The following ERC1 variants were observed in gnomAD, a reference collection of about 807,000 sequenced individuals.
The protein encoded by ERC1 is RAB6 interacting protein 2.
In ERC1, 56 loss-of-function variants were observed where a neutral mutation model predicts 132.0. The observed-to-expected ratio is 0.42, with a 90% CI of 0.34 to 0.53. The LOEUF is 0.53. ERC1 is among the 20% of genes least tolerant of loss of function. The pLI, the probability that ERC1 is intolerant of heterozygous loss-of-function variation, is 0.03. For missense variants in ERC1, 1,202 were observed against 1,349.9 expected (o/e 0.89, Z 1.72); for synonymous variants, 478 against 476.1 (o/e 1.00, Z -0.05).
chr12:1,255,833 G>T (rs1166645090), intron 13 of ERC1, among the ~76,000 whole-genome samples: 1 of 151,170 alleles, frequency 6.6e-6, no homozygotes, highest in Non-Finnish European at 1.5e-5. Flanking sequence ...TAGAGACGGG[G>T]TTTCACCATG....
intron 17 of ERC1, among the ~76,000 whole-genome samples, chr12:1,412,060 G>T (rs747111895): frequency 4.6e-5 from 7 of 152,190 alleles, no homozygotes; most frequent in Non-Finnish European, 1.0e-4. Context: ...CAATTAGCCA[G>T]CCATAACTGG....
At chr12:1,361,264 G>C (rs545243863) in intron 15 of ERC1, among the ~76,000 whole-genome samples, 69 of 129,862 alleles carry the variant, frequency 5.3e-4, no homozygotes, top group Middle Eastern at 8.0e-3. Flanking sequence ...GTTGTGGGGT[G>C]GGGGGAGGGA....
chr12:1,075,784 A>G (rs1941248963), intron 2 of ERC1, among the ~76,000 whole-genome samples: 1 of 152,226 alleles, frequency 6.6e-6, no homozygotes, highest in Non-Finnish European at 1.5e-5. Flanking sequence ...CTATTCATTA[A>G]GTAGAAGTGG....
Position 992,162 on chromosome 12 carries a change from GT to G in ERC1, c.-157+848del, listed in dbSNP as rs200781470. ...AGCTCCTTCAAGGTGGTGTCTTCCA[GT>G]TTTTTTTCCCCCCAATGCCTAAAAG... On this transcript the variant is annotated intron_variant, in intron 1 of 18. Coordinates refer to ENST00000360905, the MANE Select transcript of ERC1 (RefSeq NM_178040.4). Among the ~76,000 whole-genome samples, 970 of 152,034 alleles carry G rather than the reference GT, an allele frequency of 6.4e-3. 12 individuals carry two copies. Among genetic ancestry groups the G allele is most frequent in the African/African-American group, 0.021 (886 of 41,466 alleles).
chr12:1,111,597 A>C lies in ERC1; in HGVS notation c.1318-618A>C, dbSNP rs192570870. Among the ~76,000 whole-genome samples, 4 of 149,864 alleles carry C rather than the reference A, an allele frequency of 2.7e-5. No homozygotes were observed. In the East Asian group the frequency reaches 7.8e-4, roughly 29 times the overall value. On this transcript the variant is annotated intron_variant, in intron 5 of 18. Coordinates refer to ENST00000360905, the MANE Select transcript of ERC1 (RefSeq NM_178040.4). ...TTTCAGTTTTAGAAATTAAAAACTC[A>C]CATACCCAACTTTTTTTTTTTTTCT... is the stretch of plus-strand genomic sequence containing the variant.
chr12:1,200,964 A>G (rs548789767), intron 12 of ERC1, among the ~76,000 whole-genome samples: 114 of 152,232 alleles, frequency 7.5e-4, no homozygotes, highest in South Asian at 1.4e-3. Context: ...AAATATTTTT[A>G]TATTTCTTTT....
At chr12:1,395,776 C>T (rs1566762759) in intron 16 of ERC1, among the ~76,000 whole-genome samples, 1 of 136,518 alleles carries the variant, frequency 7.3e-6, no homozygotes, top group Admixed American at 7.3e-5. Context: ...GCAGATAGAC[C>T]AAAAAAAATT....
intron 17 of ERC1, among the ~76,000 whole-genome samples, chr12:1,438,971 A>ATATATAT (rs879572392): frequency 1.4e-5 from 2 of 144,438 alleles, no homozygotes; most frequent in African/African-American, 5.7e-5. Context: ...ATATATATAT[A>ATATATAT]AAAAATGACA....
At chr12:1,185,887 T>C (rs1212620099) in intron 11 of ERC1, among the ~76,000 whole-genome samples, 1 of 152,226 alleles carries the variant, frequency 6.6e-6, no homozygotes, top group Non-Finnish European at 1.5e-5. Context: ...ACTGCTTCTC[T>C]TTGCTTTTAT....
chr12:1,445,024 T>C (rs1288162488), intron 18 of ERC1: 3 of 327,914 alleles, frequency 9.1e-6, no homozygotes, highest in Non-Finnish European at 1.7e-5. Flanking sequence ...ATTTTTTTAA[T>C]TCACCAATTA....
Position 1,165,875 on chromosome 12 carries a change from C to T in ERC1, c.1738-14665C>T, listed in dbSNP as rs1287667949. 2.6e-5 allele frequency among the ~76,000 whole-genome samples: 4 copies of T among 152,130 alleles called. No homozygotes were observed. In the East Asian group the frequency reaches 7.7e-4, roughly 29 times the overall value. ...GATTCAGTGGTTTTCAGAATATTTA[C>T]AATGTTGTGCAACCATCATCACTGT... On this transcript the variant is annotated intron_variant, in intron 8 of 18. Coordinates refer to ENST00000360905, the MANE Select transcript of ERC1 (RefSeq NM_178040.4).
At chr12:1,356,212 A>ATGTG (rs1489476709) in intron 15 of ERC1, among the ~76,000 whole-genome samples, 7 of 119,060 alleles carry the variant, frequency 5.9e-5, no homozygotes, top group Admixed American at 3.3e-4. Flanking sequence ...AAAAAAAAAA[A>ATGTG]AGTGTGTGTG....
chr12:1,359,095 G>T (rs569024403), intron 15 of ERC1, among the ~76,000 whole-genome samples: 1 of 152,142 alleles, frequency 6.6e-6, no homozygotes, highest in Non-Finnish European at 1.5e-5. Flanking sequence ...CTATATTGGA[G>T]CCCTCAAAAC....
chr12:1,196,945 CACACACACACACACACAT>C lies in ERC1; in HGVS notation c.2351+6895_2351+6912del, dbSNP rs1187110827. Among the ~76,000 whole-genome samples the C allele has an allele frequency of 1.3e-3, 51 of 39,194 alleles. 1 individual carries two copies. The highest frequency in any genetic ancestry group is 2.2e-3 in the African/African-American group (7 of 3,118). 25.7% of individuals were successfully genotyped at this position (39,194 alleles called of 152,430 possible). The stretch of plus-strand genomic sequence containing the variant: ...ACACACACACACACACACACACACA[CACACACACACACACACAT>C]ATATATATATATATTTTTTTTTTTT... On this transcript the variant is annotated intron_variant, in intron 12 of 18. Coordinates refer to ENST00000360905, the MANE Select transcript of ERC1 (RefSeq NM_178040.4).
At chr12:1,025,201 G>GA (rs1426363144) in intron 1 of ERC1, among the ~76,000 whole-genome samples, 6 of 150,482 alleles carry the variant, frequency 4.0e-5, no homozygotes, top group Admixed American at 6.6e-5. Flanking sequence ...TTTCTTTTTT[G>GA]AAAAAAAAAT....
chr12:1,349,518 G>T (rs900014544), intron 15 of ERC1, among the ~76,000 whole-genome samples: 2 of 151,976 alleles, frequency 1.3e-5, no homozygotes, highest in African/African-American at 4.8e-5. Context: ...ACAAAAATTA[G>T]CCAGGCATAG....
At chr12:1,352,844 A>C (rs780175210) in intron 15 of ERC1, among the ~76,000 whole-genome samples, 35 of 152,108 alleles carry the variant, frequency 2.3e-4, no homozygotes, top group Non-Finnish European at 4.9e-4. Context: ...ATACATATTC[A>C]TTATATCCTA....
intron 2 of ERC1, among the ~76,000 whole-genome samples, chr12:1,055,206 G>A (rs995961753): frequency 3.3e-5 from 5 of 151,118 alleles, no homozygotes; most frequent in African/African-American, 4.9e-5. Context: ...CTTTGACAGA[G>A]TCTCACTCTA....
At chr12:1,193,049 C>T (rs960462856) in intron 12 of ERC1, among the ~76,000 whole-genome samples, 6 of 152,158 alleles carry the variant, frequency 3.9e-5, no homozygotes, top group Non-Finnish European at 7.4e-5. Context: ...GAGACTGTTA[C>T]AATAATTGAA....
Sources: gnomAD v4.1 joint callset for allele counts (sites outside exome capture counted in the v4.1 genomes callset) on GRCh38, gnomAD v4.1.1 for gene constraint, MANE v1.5 for transcripts, NCBI Gene and HGNC (gene_info 2026-07-23, HGNC 2026-07-21) for gene names.